The following GABRG3 variants were observed in gnomAD, a reference collection of about 807,000 sequenced individuals.
GABRG3 encodes gamma-aminobutyric acid type A receptor subunit gamma3, also known as gamma-aminobutyric acid receptor subunit gamma-3.
In GABRG3, 25 loss-of-function variants were observed where a neutral mutation model predicts 48.8. That is an observed-to-expected ratio of 0.51 (90% CI 0.37 to 0.72). GABRG3 has a LOEUF of 0.72. Among genes scored for constraint, GABRG3 ranks in the 30% least tolerant of loss-of-function variants. The probability of loss-of-function intolerance (pLI) is 0.00; values close to 1 mark genes in which losing one functional copy is unlikely to be tolerated. For synonymous variants in GABRG3, 227 were observed against 217.6 expected (o/e 1.04, Z -0.38); for missense variants, 394 against 577.9 (o/e 0.68, Z 3.26).
In GABRG3 at chr15:27,179,253, A is replaced by G. The variant is rs892044588; in HGVS notation, c.271-147556A>G. ...TGCATTGCCGTGATTTGCCATTTCA[A>G]ACATGCCCCGCGTGGCAATCCACCT... On this transcript the variant is annotated intron_variant, in intron 3 of 9. Coordinates refer to ENST00000615808, the MANE Select transcript of GABRG3 (RefSeq NM_033223.5). The surrounding 1 kb of genome is among the most constrained non-coding windows in gnomAD (Gnocchi z 4.0). 2.6e-5 allele frequency among the ~76,000 whole-genome samples: 4 copies of G among 152,202 alleles called. No individual in the cohort carries two copies. The highest frequency in any genetic ancestry group is 4.8e-5 in the African/African-American group (2 of 41,452).
chr15:27,394,291 A>G (rs925515903), intron 5 of GABRG3, among the ~76,000 whole-genome samples: 12 of 152,316 alleles, frequency 7.9e-5, no homozygotes, highest in African/African-American at 2.9e-4. Context: ...AATCATCACC[A>G]TAAAGCAATC....
chr15:27,229,487 G>GTTT, intron 3 of GABRG3, among the ~76,000 whole-genome samples: 1 of 151,424 alleles, frequency 6.6e-6, no homozygotes, highest in East Asian at 2.0e-4. Flanking sequence ...TTGTTTGTTT[G>GTTT]TTTTTTGAGA....
intron 5 of GABRG3, among the ~76,000 whole-genome samples, chr15:27,358,204 C>T (rs1894903930): frequency 1.3e-5 from 2 of 152,160 alleles, no homozygotes; most frequent in South Asian, 2.1e-4. Context: ...AGACTCCATT[C>T]ATTTTCAAGA....
intron 3 of GABRG3, among the ~76,000 whole-genome samples, chr15:27,109,699 A>G (rs1197232691): frequency 6.6e-6 from 1 of 152,166 alleles, no homozygotes; most frequent in African/African-American, 2.4e-5. Context: ...CCTGGCCAAC[A>G]TGGCAAAACC....
chr15:27,393,838 C>T (rs530382440), intron 5 of GABRG3, among the ~76,000 whole-genome samples: 7 of 152,260 alleles, frequency 4.6e-5, no homozygotes, highest in Non-Finnish European at 1.0e-4. Flanking sequence ...CCCGCTGATA[C>T]CTTGATTTCA....
At chr15:27,100,529 G>T (rs1897337885) in intron 3 of GABRG3, among the ~76,000 whole-genome samples, 1 of 152,008 alleles carries the variant, frequency 6.6e-6, no homozygotes, top group Non-Finnish European at 1.5e-5. Context: ...GCATAAAAAA[G>T]AAAAACAACA....
chr15:27,117,955 AC>A (rs1347134817), intron 3 of GABRG3, among the ~76,000 whole-genome samples: 1 of 152,106 alleles, frequency 6.6e-6, no homozygotes, highest in Non-Finnish European at 1.5e-5. Context: ...CAGGTGTAAG[AC>A]CTAGATTTGA....
intron 5 of GABRG3, among the ~76,000 whole-genome samples, chr15:27,440,850 C>T (rs147311279): frequency 2.6e-4 from 40 of 152,252 alleles, no homozygotes; most frequent in African/African-American, 9.4e-4. Context: ...TGAAAGCTGT[C>T]CTACAATGGA....
At chr15:27,270,326 T>C (rs1361828657) in intron 3 of GABRG3, among the ~76,000 whole-genome samples, 1 of 152,188 alleles carries the variant, frequency 6.6e-6, no homozygotes, top group Admixed American at 6.5e-5. Flanking sequence ...GTCTTTAAAA[T>C]ACGAACGTTG....
At chr15:27,000,051 T>A (rs553091686) in intron 2 of GABRG3, among the ~76,000 whole-genome samples, 1 of 152,330 alleles carries the variant, frequency 6.6e-6, no homozygotes, top group South Asian at 2.1e-4. Context: ...TGACTCTAAT[T>A]ATCTTTGCTT....
At chr15:27,331,486 A>G (rs1893800220) in intron 5 of GABRG3, among the ~76,000 whole-genome samples, 1 of 152,194 alleles carries the variant, frequency 6.6e-6, no homozygotes, top group Admixed American at 6.5e-5. Flanking sequence ...AAAAGAAACC[A>G]ATCTGAAAAG....
chr15:27,256,742 C>G (rs529232797), intron 3 of GABRG3, among the ~76,000 whole-genome samples: 2 of 152,266 alleles, frequency 1.3e-5, no homozygotes, highest in South Asian at 4.2e-4. Context: ...CTAAGATTAT[C>G]CTATCCTATG....
At chr15:27,333,822 A>G (rs541162638) in intron 5 of GABRG3, among the ~76,000 whole-genome samples, 232 of 152,348 alleles carry the variant, frequency 1.5e-3, no homozygotes, top group African/African-American at 5.3e-3. Context: ...CTAAAAGGAA[A>G]AATCATTCCC....
intron 3 of GABRG3, among the ~76,000 whole-genome samples, chr15:27,263,366 C>CT (rs1566984998): frequency 6.6e-6 from 1 of 152,088 alleles, no homozygotes; most frequent in Non-Finnish European, 1.5e-5. Flanking sequence ...CTGTTTTCTG[C>CT]TGAAGTCACC....
At chr15:27,167,572 C>T (rs1200284434) in intron 3 of GABRG3, among the ~76,000 whole-genome samples, 1 of 152,162 alleles carries the variant, frequency 6.6e-6, no homozygotes, top group African/African-American at 2.4e-5. Context: ...ACATAAATCC[C>T]TCCACATACT....
intron 3 of GABRG3, among the ~76,000 whole-genome samples, chr15:27,122,259 G>A (rs982175283): frequency 6.6e-6 from 1 of 151,834 alleles, no homozygotes; most frequent in Non-Finnish European, 1.5e-5. Context: ...AATTAAGAAT[G>A]AAAAAATGTT....
At position 27,313,254 on chromosome 15, in the gene GABRG3, GTGTGTGTGTATATATATATATATATATA is replaced by G. The variant is rs1254552853; in HGVS notation, c.271-13553_271-13526del. ...TATATGTATATATGTGTGTGTGTGTGTGTGTGTGTATATATATATATATATATATATATATATATATATATATATATAT... is the reference window on the plus strand; with the variant it reads ...TATATGTATATATGTGTGTGTGTGTGTATATATATATATATATATATATAT... On this transcript the variant is annotated intron_variant, in intron 3 of 9. Transcript: ENST00000615808. Among the ~76,000 whole-genome samples, 70 of 62,550 alleles carry G rather than the reference GTGTGTGTGTATATATATATATATATATA, an allele frequency of 1.1e-3. 5 individuals carry two copies. In the East Asian group the frequency reaches 0.012, roughly 11 times the overall value. 41.0% of individuals were successfully genotyped at this position (62,550 alleles called of 152,430 possible). A position where few individuals can be genotyped will look rare whatever the true frequency, so the allele number is the denominator to read the frequency against.
At chr15:27,209,445 A>G (rs1241229304) in intron 3 of GABRG3, among the ~76,000 whole-genome samples, 1 of 148,168 alleles carries the variant, frequency 6.7e-6, no homozygotes, top group Non-Finnish European at 1.5e-5. Context: ...GCTGGAGTGC[A>G]GTGGCGCTAT....
At chr15:27,489,025 C>T (rs1890283833) in intron 6 of GABRG3, among the ~76,000 whole-genome samples, 1 of 151,988 alleles carries the variant, frequency 6.6e-6, no homozygotes, top group South Asian at 2.1e-4. Flanking sequence ...GCTATCCTCC[C>T]CCATCCCCCC....
Sources: gnomAD v4.1 joint callset for allele counts (sites outside exome capture counted in the v4.1 genomes callset) on GRCh38, gnomAD v4.1.1 for gene constraint, Gnocchi (gnomAD v3.1) non-coding constraint, MANE v1.5 for transcripts, NCBI Gene and HGNC (gene_info 2026-07-23, HGNC 2026-07-21) for gene names.